The following ZNF346 variants were observed in gnomAD, a reference collection of about 807,000 sequenced individuals.
ZNF346 encodes the protein zinc finger protein 346.
ZNF346 carries 23 observed loss-of-function variants against 33.7 expected under a neutral mutation model. The ratio of observed to expected loss-of-function variants is 0.68; its 90% CI spans 0.49 to 0.97. The LOEUF (loss-of-function observed/expected upper bound fraction) is 0.97, where lower values mean the gene tolerates loss of function less well. Ranked by LOEUF, ZNF346 falls within the 50% of genes least tolerant of loss-of-function variation. The pLI is 0.00. For synonymous variants in ZNF346, 134 were observed against 142.4 expected (o/e 0.94, Z 0.42); for missense variants, 340 against 371.1 (o/e 0.92, Z 0.69).
chr5:177,055,770 A>G (rs1324292113), intron 5 of ZNF346, among the ~76,000 whole-genome samples: 6 of 151,862 alleles, frequency 4.0e-5, no homozygotes, highest in South Asian at 2.1e-4. Context: ...GCAAAACCCC[A>G]TCTCTACTAA....
chr5:177,071,195 C>G (rs1216221053), downstream of ZNF346, among the ~76,000 whole-genome samples: 2 of 152,042 alleles, frequency 1.3e-5, no homozygotes, highest in Non-Finnish European at 2.9e-5. Flanking sequence ...AATCACAGTT[C>G]CCAGCTCAAA....
chr5:177,071,641 T>C (rs535136011), downstream of ZNF346, among the ~76,000 whole-genome samples: 1 of 148,426 alleles, frequency 6.7e-6, no homozygotes, highest in African/African-American at 2.5e-5. Context: ...GCTGAGATCG[T>C]GCCACTGCAC....
intron 4 of ZNF346, among the ~76,000 whole-genome samples, chr5:177,049,467 CGCTTTATGAG>C (rs1780562728): frequency 6.6e-6 from 1 of 152,170 alleles, no homozygotes; most frequent in African/African-American, 2.4e-5. Context: ...TCGTGGCATC[CGCTTTATGAG>C]GCAGCAGCGC....
At chr5:177,061,871 C>T (rs1782591221) in intron 5 of ZNF346, among the ~76,000 whole-genome samples, 187 bp from the exon 6 acceptor site, 1 of 152,172 alleles carries the variant, frequency 6.6e-6, no homozygotes, top group Admixed American at 6.6e-5. Context: ...TTCCCAACCC[C>T]AGGAAGCACA....
intron 5 of ZNF346, among the ~76,000 whole-genome samples, chr5:177,054,794 G>A (rs559179650): frequency 6.6e-5 from 10 of 152,112 alleles, no homozygotes; most frequent in Middle Eastern, 6.8e-3. Flanking sequence ...GAGTGGTGGC[G>A]GGACTACTGT....
chr5:177,078,770 G>C (rs1783868869), intron 8 of ZNF346, among the ~76,000 whole-genome samples: 1 of 151,386 alleles, frequency 6.6e-6, no homozygotes, highest in Non-Finnish European at 1.5e-5. Context: ...AATTAGCCAG[G>C]CATGGTGGCA....
intron 6 of ZNF346, among the ~76,000 whole-genome samples, chr5:177,064,002 AC>A (rs1286161349): frequency 6.6e-6 from 1 of 152,130 alleles, no homozygotes; most frequent in African/African-American, 2.4e-5. Context: ...AAATTAGGAT[AC>A]CCCCTCCCAA....
chr5:177,030,929 T>C, intron 1 of ZNF346, among the ~76,000 whole-genome samples: 1 of 145,320 alleles, frequency 6.9e-6, no homozygotes, highest in Non-Finnish European at 1.5e-5. Context: ...TTTTTTTTGG[T>C]TTTTTTTTGA....
rs997883381 is a variant in ZNF346, at chr5:177,077,999, T to A, written c.*3-1383T>A. Among the ~76,000 whole-genome samples, 3 of 152,048 alleles carry A rather than the reference T, an allele frequency of 2.0e-5. No individual in the cohort carries two copies. The highest frequency in any genetic ancestry group is 2.0e-4 in the Admixed American group (3 of 15,256). On this transcript the variant is annotated intron_variant, in intron 8 of 8. Transcript: ENST00000503039. The surrounding 1 kb of genome is among the most constrained non-coding windows in gnomAD (Gnocchi z 5.0). Reference sequence around the variant, plus strand: ...CCATCTCTACTAAAAATATAAAAATTAGCTGGGCATGGTGGTGAGTGCCTG... The same window carrying A: ...CCATCTCTACTAAAAATATAAAAATAAGCTGGGCATGGTGGTGAGTGCCTG...
chr5:177,077,625 A>G lies in ZNF346; in HGVS notation c.*3-1757A>G, dbSNP rs1006822776. ...TTGGCCCTCCCATGGTCACATGCTC[A>G]TCTCTGACTTAATCACAATGGCCTG... On this transcript the variant is annotated intron_variant, in intron 8 of 8. Coordinates refer to the ZNF346 transcript ENST00000503039. The surrounding 1 kb of genome is among the most constrained non-coding windows in gnomAD (Gnocchi z 5.0). 3.3e-5 allele frequency among the ~76,000 whole-genome samples: 5 copies of G among 152,134 alleles called. No individual in the cohort carries two copies. The highest frequency in any genetic ancestry group is 1.2e-4 in the African/African-American group (5 of 41,446).
At chr5:177,034,274 G>T (rs1343727684) in intron 1 of ZNF346, among the ~76,000 whole-genome samples, 1 of 151,190 alleles carries the variant, frequency 6.6e-6, no homozygotes. Context: ...GTGCAGTGGT[G>T]TGATCACAGC....
intron 5 of ZNF346, among the ~76,000 whole-genome samples, chr5:177,054,045 T>C (rs1303715535): frequency 1.3e-5 from 2 of 151,830 alleles, no homozygotes; most frequent in African/African-American, 4.8e-5. Context: ...GCCAGCACTT[T>C]AAAAAACTTA....
intron 8 of ZNF346, among the ~76,000 whole-genome samples, chr5:177,073,024 C>T (rs1159524756): frequency 6.6e-6 from 1 of 152,240 alleles, no homozygotes; most frequent in Non-Finnish European, 1.5e-5. Flanking sequence ...CCCCCAAGGC[C>T]AAGTTGGCTG....
rs778784898 is a variant in ZNF346, at chr5:177,044,386, C to A, written c.373-3C>A. ...TCAGACCTGTGTTCTTTCTTCCAACCAGAAGAGCAGCAGAAGCAAAGACAA... is the reference window on the plus strand; with the variant it reads ...TCAGACCTGTGTTCTTTCTTCCAACAAGAAGAGCAGCAGAAGCAAAGACAA... On this transcript the variant is annotated splice_region_variant and splice_polypyrimidine_tract_variant and intron_variant, in intron 3 of 6. Transcript: ENST00000358149. 3.7e-6 allele frequency: 6 copies of A among 1,613,902 alleles called. No homozygotes were observed. The highest frequency in any genetic ancestry group is 5.1e-6 in the Non-Finnish European group (6 of 1,180,006).
At position 177,055,124 on chromosome 5, in the gene ZNF346, C is replaced by T. The variant is rs1376628277; in HGVS notation, c.703+4188C>T. On this transcript the variant is annotated intron_variant, in intron 5 of 6. Transcript: ENST00000358149. ...TCTCGGCTCACCGCGACCTCTGCCT[C>T]CTGGGTTCAAGCAATTCTCCTGCCT... 4.0e-5 allele frequency among the ~76,000 whole-genome samples: 6 copies of T among 150,296 alleles called. No homozygotes were observed. In the East Asian group the frequency reaches 1.2e-3, roughly 30 times the overall value.
Position 177,024,157 on chromosome 5 carries a change from T to TACACACAC in ZNF346, c.175+1259_175+1266dup, listed in dbSNP as rs144403449. 2.0e-3 allele frequency among the ~76,000 whole-genome samples: 245 copies of TACACACAC among 121,362 alleles called. 2 individuals carry two copies. Among genetic ancestry groups the TACACACAC allele is most frequent in the African/African-American group, 7.3e-3 (230 of 31,412 alleles). 79.6% of individuals were successfully genotyped at this position (121,362 alleles called of 152,430 possible). A position where few individuals can be genotyped will look rare whatever the true frequency, so the allele number is the denominator to read the frequency against. On this transcript the variant is annotated intron_variant, in intron 1 of 6. Coordinates refer to ENST00000358149, the MANE Select transcript of ZNF346 (RefSeq NM_012279.4). ...TATACACTTGTAAGTATTTTATGTA[T>TACACACAC]ACACACACACACACACACACACTAT...
chr5:177,032,547 G>A (rs1777880584), intron 1 of ZNF346, among the ~76,000 whole-genome samples: 1 of 151,882 alleles, frequency 6.6e-6, no homozygotes, highest in South Asian at 2.1e-4. Context: ...AGTTAGCTGG[G>A]ATTACCAGCC....
At chr5:177,033,595 C>T (rs1451689823) in intron 1 of ZNF346, among the ~76,000 whole-genome samples, 1 of 152,146 alleles carries the variant, frequency 6.6e-6, no homozygotes, top group East Asian at 1.9e-4. Flanking sequence ...ATGATCTCTG[C>T]TCACTGCAAG....
chr5:177,032,493 C>T (rs1325173962), intron 1 of ZNF346, among the ~76,000 whole-genome samples: 1 of 152,054 alleles, frequency 6.6e-6, no homozygotes, highest in Non-Finnish European at 1.5e-5. Flanking sequence ...TCACTGCAAC[C>T]TCCACCTCCT....
Sources: allele counts gnomAD v4.1 joint callset (sites outside exome capture counted in the v4.1 genomes callset), GRCh38; gene constraint gnomAD v4.1.1; non-coding constraint Gnocchi (gnomAD v3.1); transcripts MANE v1.5; gene names NCBI Gene and HGNC (gene_info 2026-07-23, HGNC 2026-07-21).